The following OXR1 variants were observed in gnomAD, a reference collection of about 807,000 sequenced individuals.
OXR1 encodes the protein oxidation resistance 1.
OXR1 carries 41 observed loss-of-function variants against 104.6 expected under a neutral mutation model. The ratio of observed to expected loss-of-function variants is 0.39; its 90% confidence interval spans 0.31 to 0.51. The LOEUF (loss-of-function observed/expected upper bound fraction) is 0.51, where lower values mean the gene tolerates loss of function less well. Among genes scored for constraint, OXR1 ranks in the 20% least tolerant of loss-of-function variants. The pLI is 0.77. For synonymous variants in OXR1, 348 were observed against 348.4 expected (o/e 1.00, Z 0.01); for missense variants, 955 against 1,031.9 (o/e 0.93, Z 1.02).
intron 2 of OXR1, among the ~76,000 whole-genome samples, chr8:106,515,748 A>G (rs564372321): frequency 5.3e-5 from 8 of 152,230 alleles, no homozygotes; most frequent in Admixed American, 2.0e-4. Context: ...GAAAACACCT[A>G]AGATAAGAAT....
At chr8:106,472,890 C>G (rs772631660) in intron 2 of OXR1, among the ~76,000 whole-genome samples, 7 of 151,772 alleles carry the variant, frequency 4.6e-5, no homozygotes, top group Admixed American at 3.3e-4. Flanking sequence ...TAACCTTATA[C>G]TCTTGAGTTT....
At chr8:106,536,878 A>G (rs1814579953) in intron 3 of OXR1, among the ~76,000 whole-genome samples, 1 of 152,210 alleles carries the variant, frequency 6.6e-6, no homozygotes, top group South Asian at 2.1e-4. Context: ...CAGTGGAAAC[A>G]TTCAATCCTC....
intron 2 of OXR1, among the ~76,000 whole-genome samples, chr8:106,371,213 T>C (rs553282422): frequency 2.0e-5 from 3 of 152,310 alleles, no homozygotes; most frequent in African/African-American, 4.8e-5. Flanking sequence ...TATTCTCTGA[T>C]AGTAATTTTT....
chr8:106,560,001 G>A (rs2130482193), intron 3 of OXR1, among the ~76,000 whole-genome samples: 1 of 152,254 alleles, frequency 6.6e-6, no homozygotes, highest in African/African-American at 2.4e-5. Flanking sequence ...GATTTGCACA[G>A]ACATGCAGTT....
chr8:106,517,219 A>C (rs1343521807), intron 2 of OXR1, among the ~76,000 whole-genome samples: 1 of 152,342 alleles, frequency 6.6e-6, no homozygotes, highest in Middle Eastern at 3.4e-3. Context: ...CCCAATGTTT[A>C]GCCTACCATT....
chr8:106,542,016 C>A (rs998789480), intron 3 of OXR1, among the ~76,000 whole-genome samples: 2 of 152,142 alleles, frequency 1.3e-5, no homozygotes, highest in African/African-American at 2.4e-5. Flanking sequence ...AAGGAGCTTG[C>A]CTTGAGAGCC....
intron 1 of OXR1, among the ~76,000 whole-genome samples, chr8:106,307,593 G>T (rs1266048193): frequency 6.6e-6 from 1 of 151,466 alleles, no homozygotes; most frequent in East Asian, 1.9e-4. Flanking sequence ...TTTAATCTGT[G>T]TGTATCTACC....
At chr8:106,476,143 G>C (rs1056034035) in intron 2 of OXR1, among the ~76,000 whole-genome samples, 6 of 151,740 alleles carry the variant, frequency 4.0e-5, no homozygotes, top group Non-Finnish European at 7.4e-5. Flanking sequence ...ATAGAGTACT[G>C]TGTGTAATGA....
chr8:106,453,229 A>G (rs1191633024), intron 2 of OXR1, among the ~76,000 whole-genome samples: 1 of 152,070 alleles, frequency 6.6e-6, no homozygotes, highest in African/African-American at 2.4e-5. Context: ...TCATCACATC[A>G]CCCATGGATC....
Position 106,710,639 on chromosome 8 carries a change from G to A in OXR1, c.1642G>A (p.Glu548Lys), listed in dbSNP as rs778006876. 1 of 1,587,080 alleles carries A rather than the reference G, an allele frequency of 6.3e-7. No individual in the cohort carries two copies. Residue 548 changes from glutamate (E) to lysine (K), a missense_variant, in exon 10 of 17, where the codon GAA becomes AAA. Physicochemically the swap from Glu to Lys is moderately conservative, Grantham distance 56. Transcript: ENST00000517566. The stretch of plus-strand genomic sequence containing the variant: ...AATTCTAGGTTCTGCACTTTTAAAA[G>A]AAAAGCAAAGGCATCGATTACATAA... ...GHIESSALLK[E>K]KQRHRLHKFL...
chr8:106,648,830 G>A (rs748716494), intron 3 of OXR1, among the ~76,000 whole-genome samples: 4 of 152,168 alleles, frequency 2.6e-5, no homozygotes, highest in Non-Finnish European at 2.9e-5. Context: ...CTCGGAAACT[G>A]TAAAAAGAAT....
chr8:106,529,145 AT>A lies in OXR1; in HGVS notation c.220+10015del, dbSNP rs958386497. ...AGTTTGTGTAAGTAGCCAATATGGA[AT>A]TTTTTTTTATCAAGATAGTGGAATT... On this transcript the variant is annotated intron_variant, in intron 3 of 16. Coordinates refer to ENST00000517566, the MANE Select transcript of OXR1 (RefSeq NM_001198533.2). Among the ~76,000 whole-genome samples the A allele has an allele frequency of 1.8e-4, 28 of 151,776 alleles. No homozygotes were observed. The East Asian group carries it at 4.4e-3, about 24-fold the overall frequency.
rs1191493314 is a variant in OXR1, at chr8:106,583,945, C to T, written c.220+64806C>T. Among the ~76,000 whole-genome samples the T allele has an allele frequency of 2.6e-5, 4 of 151,896 alleles. No individual in the cohort carries two copies. The East Asian group carries it at 7.7e-4, about 29-fold the overall frequency. On this transcript the variant is annotated intron_variant, in intron 3 of 16. Transcript: ENST00000517566. ...CTTAAATGGGAAATTTATTGAGGTT[C>T]AACTCCTAATATGAGAACACTGACT...
intron 3 of OXR1, among the ~76,000 whole-genome samples, chr8:106,658,376 G>A (rs888429524): frequency 6.6e-6 from 1 of 152,200 alleles, no homozygotes; most frequent in Non-Finnish European, 1.5e-5. Flanking sequence ...TCTGGGGAGG[G>A]AAGACTTTCA....
intron 3 of OXR1, among the ~76,000 whole-genome samples, chr8:106,536,153 G>A (rs2130283699): frequency 6.6e-6 from 1 of 151,928 alleles, no homozygotes; most frequent in African/African-American, 2.4e-5. Flanking sequence ...CTGGGAGACG[G>A]AGCTTGCAGT....
chr8:106,351,165 G>GT (rs1815709754), intron 1 of OXR1, among the ~76,000 whole-genome samples: 1 of 152,154 alleles, frequency 6.6e-6, no homozygotes, highest in African/African-American at 2.4e-5. Flanking sequence ...ATTTCTTAAT[G>GT]TAAAACATTT....
chr8:106,711,842 C>G (rs181754928), intron 10 of OXR1, among the ~76,000 whole-genome samples: 1 of 152,090 alleles, frequency 6.6e-6, no homozygotes, highest in Admixed American at 6.6e-5. Context: ...TTATAACAGA[C>G]AGTAAGCATG....
chr8:106,683,591 T>C (rs28921401), intron 5 of OXR1, among the ~76,000 whole-genome samples: 3,557 of 152,294 alleles, frequency 0.023, 46 homozygotes, highest in East Asian at 0.039. Flanking sequence ...AAAATTACTT[T>C]ATCAAAGTAA....
chr8:106,508,132 G>A (rs1812289198), intron 2 of OXR1, among the ~76,000 whole-genome samples: 6 of 152,180 alleles, frequency 3.9e-5, no homozygotes, highest in Admixed American at 2.6e-4. Context: ...AGGACTTACA[G>A]AAGGAAGAGA....
Sources: gnomAD v4.1 joint callset for allele counts (sites outside exome capture counted in the v4.1 genomes callset) on GRCh38, gnomAD v4.1.1 for gene constraint, MANE v1.5 for transcripts, NCBI Gene and HGNC (gene_info 2026-07-23, HGNC 2026-07-21) for gene names.